The following AGTRAP variants were observed in gnomAD, a reference collection of about 807,000 sequenced individuals.
AGTRAP encodes angiotensin II receptor associated protein.
In AGTRAP, 7 loss-of-function variants were observed where a neutral mutation model predicts 15.2. The ratio of observed to expected loss-of-function variants is 0.46; its 90% confidence interval spans 0.26 to 0.87. AGTRAP has a LOEUF of 0.87. Among genes scored for constraint, AGTRAP ranks in the 40% least tolerant of loss-of-function variants. The probability of loss-of-function intolerance (pLI) is 0.15; values close to 1 mark genes in which losing one functional copy is unlikely to be tolerated. For synonymous variants in AGTRAP, 74 were observed against 89.6 expected (o/e 0.83, Z 0.98); for missense variants, 187 against 213.4 (o/e 0.88, Z 0.77).
At chr1:11,736,825 C>T (rs1641910635) in intron 1 of AGTRAP, among the ~76,000 whole-genome samples, 1 of 152,258 alleles carries the variant, frequency 6.6e-6, no homozygotes, top group African/African-American at 2.4e-5. Flanking sequence ...GGGGAAAACA[C>T]TGCAGGGCTT....
intron 2 of AGTRAP, 107 bp from the exon 3 acceptor site, chr1:11,747,333 G>T (rs756680364): frequency 8.7e-6 from 9 of 1,040,432 alleles, no homozygotes; most frequent in Non-Finnish European, 1.3e-5. Flanking sequence ...GGGTGGCCTC[G>T]AAGACTATGG....
At chr1:11,742,614 T>C (rs1322061630) in intron 1 of AGTRAP, among the ~76,000 whole-genome samples, 1 of 152,178 alleles carries the variant, frequency 6.6e-6, no homozygotes, top group Non-Finnish European at 1.5e-5. Flanking sequence ...CACTGTACAC[T>C]TGACCTCACT....
At chr1:11,739,725 T>C (rs1230573808) in intron 1 of AGTRAP, among the ~76,000 whole-genome samples, 1 of 152,070 alleles carries the variant, frequency 6.6e-6, no homozygotes, top group Non-Finnish European at 1.5e-5. Context: ...TGTAGATGCA[T>C]GGCAGGCTGG....
chr1:11,740,216 C>T (rs931738795), intron 1 of AGTRAP, among the ~76,000 whole-genome samples: 3 of 152,212 alleles, frequency 2.0e-5, no homozygotes, highest in Non-Finnish European at 4.4e-5. Flanking sequence ...GGCCAAAAGA[C>T]AGTGGTTTTG....
rs758046575 is a variant in AGTRAP at position 11,750,101 on chromosome 1, G to A, written c.389G>A (p.Arg130His). 32 of 1,613,836 alleles carry A rather than the reference G, an allele frequency of 2.0e-5. No individual in the cohort carries two copies. The highest frequency in any genetic ancestry group is 2.7e-5 in the African/African-American group (2 of 74,880). The change falls in exon 5 of 5, where the codon CGT becomes CAT. Residue 130 changes from arginine to histidine, a missense_variant. Transcript: ENST00000314340. The stretch of plus-strand genomic sequence containing the variant: ...GGTTTCCTTGGGTCTTCTCAGGACC[G>A]TAGTGCCTACCAGACGATTGACTCA... ...HTGFLGSSQD[R>H]SAYQTIDSAE...
intron 1 of AGTRAP, among the ~76,000 whole-genome samples, chr1:11,742,401 T>C (rs757673231): frequency 6.6e-6 from 1 of 152,204 alleles, no homozygotes; most frequent in Non-Finnish European, 1.5e-5. Context: ...TTTGTCTGTC[T>C]TTCTTTTCTG....
At chr1:11,746,418 G>A (rs568468284) in intron 2 of AGTRAP, 11 of 563,246 alleles carry the variant, frequency 2.0e-5, no homozygotes, top group Admixed American at 3.1e-5. Flanking sequence ...CTCCACACCT[G>A]CCTTGCACAT....
In AGTRAP at chr1:11,743,974, T is replaced by G. The variant is rs368649655; in HGVS notation, c.28-1829T>G. 7.2e-5 allele frequency among the ~76,000 whole-genome samples: 11 copies of G among 151,944 alleles called. 2 individuals are homozygous for G. Among genetic ancestry groups the G allele is most frequent in the East Asian group, 3.9e-4 (2 of 5,122 alleles). On this transcript the variant is annotated intron_variant, in intron 1 of 4. Coordinates refer to ENST00000314340, the MANE Select transcript of AGTRAP (RefSeq NM_020350.5). ...GTCATTTTAAGGACACAGAGGACATTAAAAAGGGTAAAATATTGTAGCTGG... is the reference window on the plus strand; with the variant it reads ...GTCATTTTAAGGACACAGAGGACATGAAAAAGGGTAAAATATTGTAGCTGG...
chr1:11,739,437 G>T (rs1034042729), intron 1 of AGTRAP, among the ~76,000 whole-genome samples: 3 of 152,098 alleles, frequency 2.0e-5, no homozygotes, highest in African/African-American at 7.2e-5. Context: ...TGTAGTCCCA[G>T]CTATTCAGGA....
rs746896821 is a variant in AGTRAP at position 11,747,587 on chromosome 1, A to G, written c.168+42A>G. 23 of 1,590,976 alleles carry G rather than the reference A, an allele frequency of 1.4e-5. 1 individual carries two copies. Among genetic ancestry groups the G allele is most frequent in the Admixed American group, 1.2e-4 (7 of 59,954 alleles). On this transcript the variant is annotated intron_variant, in intron 3 of 4. Coordinates refer to ENST00000314340, the MANE Select transcript of AGTRAP (RefSeq NM_020350.5). ...GAGAGGCGGCAAGGCGGGGAGCCGC[A>G]GCACAGGGCAAGACATAGCCTGGCT...
chr1:11,742,517 C>CT (rs1022339983), intron 1 of AGTRAP, among the ~76,000 whole-genome samples: 2 of 147,354 alleles, frequency 1.4e-5, no homozygotes, highest in African/African-American at 5.0e-5. Context: ...TTCTCTCTTT[C>CT]TTTCTTTTCT....
chr1:11,748,733 G>T (rs1490842233), intron 4 of AGTRAP, 123 bp downstream of exon 4: 2 of 1,156,526 alleles, frequency 1.7e-6, no homozygotes, highest in South Asian at 1.5e-5. Flanking sequence ...CAGGGAGAGC[G>T]TGGCATGGGC....
intron 4 of AGTRAP, among the ~76,000 whole-genome samples, chr1:11,749,540 G>A (rs1642261362): frequency 6.6e-6 from 1 of 152,278 alleles, no homozygotes; most frequent in Non-Finnish European, 1.5e-5. Flanking sequence ...GGGGATGGGA[G>A]TGAGGCATGT....
chr1:11,736,651 C>T (rs372288671), intron 1 of AGTRAP, among the ~76,000 whole-genome samples: 2 of 152,374 alleles, frequency 1.3e-5, no homozygotes, highest in African/African-American at 2.4e-5. Flanking sequence ...GTCCCAGCAC[C>T]GTTTCAGGAG....
chr1:11,737,417 T>C (rs1304399822), intron 1 of AGTRAP, among the ~76,000 whole-genome samples: 1 of 152,244 alleles, frequency 6.6e-6, no homozygotes, highest in Non-Finnish European at 1.5e-5. Context: ...ATGAGGGATT[T>C]GCTTAAAATA....
intron 1 of AGTRAP, chr1:11,744,406 C>T (rs1402582686): frequency 9.2e-5 from 53 of 577,288 alleles, no homozygotes; most frequent in East Asian, 6.2e-5. Context: ...TGGTGTCCCT[C>T]GTTGCACTTG....
At chr1:11,746,419 C>T (rs1012591760) in intron 2 of AGTRAP, 10 of 562,584 alleles carry the variant, frequency 1.8e-5, no homozygotes, top group Non-Finnish European at 2.9e-5. Flanking sequence ...TCCACACCTG[C>T]CTTGCACATG....
chr1:11,746,195 T>C, intron 2 of AGTRAP: 1 of 1,612,778 alleles, frequency 6.2e-7, no homozygotes, highest in South Asian at 1.1e-5. Flanking sequence ...CTTTGCAAAC[T>C]TCGAAGTGCA....
intron 4 of AGTRAP, among the ~76,000 whole-genome samples, chr1:11,749,227 T>A (rs1484332296): frequency 6.6e-6 from 1 of 152,262 alleles, no homozygotes; most frequent in African/African-American, 2.4e-5. Flanking sequence ...GCCATTTGCC[T>A]GCTCTCTGAC....
Sources: allele counts gnomAD v4.1 joint callset (sites outside exome capture counted in the v4.1 genomes callset), GRCh38; gene constraint gnomAD v4.1.1; transcripts MANE v1.5; gene names NCBI Gene and HGNC (gene_info 2026-07-23, HGNC 2026-07-21).